The following CPLX2 variants were observed in gnomAD, a reference collection of about 807,000 sequenced individuals.
CPLX2 encodes the protein complexin-2.
A neutral mutation model predicts 16.3 loss-of-function variants in CPLX2; 5 were observed. The ratio of observed to expected loss-of-function variants is 0.31; its 90% CI spans 0.16 to 0.64. The LOEUF (loss-of-function observed/expected upper bound fraction) is 0.64, where lower values mean the gene tolerates loss of function less well. Among genes scored for constraint, CPLX2 ranks in the 30% least tolerant of loss-of-function variants. The pLI is 0.79. For synonymous variants in CPLX2, 89 were observed against 73.2 expected (o/e 1.22, Z -1.10); for missense variants, 144 against 181.4 (o/e 0.79, Z 1.18).
intron 1 of CPLX2, among the ~76,000 whole-genome samples, chr5:175,802,755 A>G: frequency 6.6e-6 from 1 of 152,152 alleles, no homozygotes; most frequent in Non-Finnish European, 1.5e-5. Context: ...GCCAGGGCCC[A>G]CTGGGTCATT....
intron 2 of CPLX2, among the ~76,000 whole-genome samples, chr5:175,863,976 T>C (rs550865539): frequency 4.9e-4 from 75 of 152,352 alleles, no homozygotes; most frequent in Non-Finnish European, 9.4e-4. Context: ...AGGAAGATTA[T>C]GAGGCAGAGT....
rs1759113461 is a variant in CPLX2, at chr5:175,849,635, G to A, written c.-88-29017G>A. On this transcript the variant is annotated intron_variant, in intron 2 of 4. Coordinates refer to the CPLX2 transcript ENST00000359546. The surrounding 1 kb of genome is among the most constrained non-coding windows in gnomAD (Gnocchi z 4.4). ...CAGGGAGAGAAGAGGAGAGGCTCCT[G>A]GAGAGAAGCCCTCTGCCGCAGGTCC... Among the ~76,000 whole-genome samples, 1 of 152,132 alleles carries A rather than the reference G, an allele frequency of 6.6e-6. No homozygotes were observed. Among genetic ancestry groups the A allele is most frequent in the African/African-American group, 2.4e-5 (1 of 41,424 alleles).
intron 2 of CPLX2, among the ~76,000 whole-genome samples, chr5:175,858,755 A>T (rs1236212484): frequency 1.3e-5 from 2 of 152,272 alleles, no homozygotes; most frequent in Non-Finnish European, 2.9e-5. Flanking sequence ...CAGCTGAGAG[A>T]CACTCTGATT....
chr5:175,807,522 C>T (rs1341300062), intron 1 of CPLX2, among the ~76,000 whole-genome samples: 1 of 152,244 alleles, frequency 6.6e-6, no homozygotes, highest in East Asian at 1.9e-4. Flanking sequence ...TACCCTTTCT[C>T]CCTCCCCAGC....
chr5:175,841,320 C>G (rs1465305635), intron 2 of CPLX2, among the ~76,000 whole-genome samples: 1 of 152,180 alleles, frequency 6.6e-6, no homozygotes, highest in Non-Finnish European at 1.5e-5. Flanking sequence ...CACAGAAGGG[C>G]AGTTTGTGCA....
At chr5:175,857,743 G>T (rs1331155314) in intron 2 of CPLX2, among the ~76,000 whole-genome samples, 4 of 152,222 alleles carry the variant, frequency 2.6e-5, no homozygotes, top group African/African-American at 9.6e-5. Context: ...ACCATTGTAA[G>T]TTGGGAGCCA....
At chr5:175,826,877 A>G (rs551495133) in intron 2 of CPLX2, among the ~76,000 whole-genome samples, 1 of 152,250 alleles carries the variant, frequency 6.6e-6, no homozygotes, top group South Asian at 2.1e-4. Context: ...GACTTCAGCA[A>G]AAGGGGGAAT....
chr5:175,834,391 C>T (rs974524521), intron 2 of CPLX2, among the ~76,000 whole-genome samples: 1 of 152,184 alleles, frequency 6.6e-6, no homozygotes, highest in Non-Finnish European at 1.5e-5. Flanking sequence ...AGGCTCTGCA[C>T]TCAGAGCTGG....
rs1321793931 is a variant in CPLX2 at position 175,845,695 on chromosome 5, A to C, written c.-88-32957A>C. On this transcript the variant is annotated intron_variant, in intron 2 of 4. Transcript: ENST00000359546. This position sits in a 1 kb window ranked among gnomAD's most constrained non-coding sequence, Gnocchi z 4.0. ...TTGGTGCTGGTTCCACGGGCCTGGC[A>C]CACTGCCTGGCACAGAGAAAGAGCC... Among the ~76,000 whole-genome samples the C allele has an allele frequency of 6.6e-6, 1 of 152,180 alleles. No individual in the cohort carries two copies. The highest frequency in any genetic ancestry group is 1.5e-5 in the Non-Finnish European group (1 of 68,040).
chr5:175,829,835 T>C (rs1458673910), intron 2 of CPLX2, among the ~76,000 whole-genome samples: 1 of 152,214 alleles, frequency 6.6e-6, no homozygotes, highest in Admixed American at 6.5e-5. Flanking sequence ...AGGCAGTGCC[T>C]GCCCAGGACT....
At chr5:175,800,596 T>G (rs1278246484) in intron 1 of CPLX2, among the ~76,000 whole-genome samples, 1 of 152,096 alleles carries the variant, frequency 6.6e-6, no homozygotes, top group African/African-American at 2.4e-5. Context: ...GCTATCAGCT[T>G]GGGATGAGAC....
Position 175,879,874 on chromosome 5 carries a change from G to A in CPLX2, c.234G>A (p.Lys78=). 2 of 1,612,790 alleles carry A rather than the reference G, an allele frequency of 1.2e-6. No individual in the cohort carries two copies. The highest frequency in any genetic ancestry group is 1.1e-5 in the South Asian group (1 of 90,812). Residue 78 remains lysine, a synonymous_variant, in exon 4 of 4, where the codon AAG becomes AAA. Transcript: ENST00000393745. ...ATGGGCTGAAGAAGAAGGAGGAGAA[G>A]GAAGCAGAGGAGAAAGCAGCCCTGG... ...DKYGLKKKEE[K]EAEEKAALEQ...
At chr5:175,802,291 G>A (rs1427860754) in intron 1 of CPLX2, among the ~76,000 whole-genome samples, 1 of 152,118 alleles carries the variant, frequency 6.6e-6, no homozygotes, top group African/African-American at 2.4e-5. Flanking sequence ...GTTCTCCTGT[G>A]ATCAAAGACA....
intron 2 of CPLX2, among the ~76,000 whole-genome samples, chr5:175,815,464 C>G (rs1386953678): frequency 6.6e-6 from 1 of 152,116 alleles, no homozygotes; most frequent in African/African-American, 2.4e-5. Flanking sequence ...AGTGGAGTTA[C>G]CACTCCAGCA....
intron 1 of CPLX2, among the ~76,000 whole-genome samples, chr5:175,804,512 T>A (rs1758158809): frequency 6.6e-6 from 1 of 152,156 alleles, no homozygotes; most frequent in South Asian, 2.1e-4. Context: ...AATTTCCCCA[T>A]CTGTGAATCC....
upstream of CPLX2, among the ~76,000 whole-genome samples, chr5:175,870,528 C>T (rs1366116): frequency 0.54 from 81,564 of 151,976 alleles, 23,532 homozygotes; most frequent in East Asian, 0.82. Flanking sequence ...CCCTCCTCTC[C>T]GAAGCCATTT....
rs571654446 is a variant in CPLX2, at chr5:175,827,090, G to A, written c.-89+18022G>A. ...CACAGCTCAGCAGCTGCAGCAACAG[G>A]AGACTCCAACAGCCCCATCAAAAGT... On this transcript the variant is annotated intron_variant, in intron 2 of 4. Transcript: ENST00000359546. 9.2e-5 allele frequency among the ~76,000 whole-genome samples: 14 copies of A among 152,282 alleles called. No individual in the cohort carries two copies. The East Asian group carries it at 2.7e-3, about 29-fold the overall frequency.
chr5:175,802,333 A>T (rs1308625984), intron 1 of CPLX2, among the ~76,000 whole-genome samples: 1 of 152,158 alleles, frequency 6.6e-6, no homozygotes, highest in East Asian at 1.9e-4. Context: ...CCGCCCCCTC[A>T]ATCTGCAACA....
chr5:175,806,910 T>C (rs1368017811), intron 1 of CPLX2, among the ~76,000 whole-genome samples: 1 of 152,214 alleles, frequency 6.6e-6, no homozygotes, highest in Non-Finnish European at 1.5e-5. Flanking sequence ...AAGGCCTCTC[T>C]GGGCCTCCGT....
Sources: allele counts gnomAD v4.1 joint callset (sites outside exome capture counted in the v4.1 genomes callset), GRCh38; gene constraint gnomAD v4.1.1; non-coding constraint Gnocchi (gnomAD v3.1); transcripts MANE v1.5; gene names NCBI Gene and HGNC (gene_info 2026-07-23, HGNC 2026-07-21).